REV3L: variants seen among roughly 807,000 people sequenced by gnomAD.
REV3L encodes the protein REV3 like, DNA directed polymerase zeta catalytic subunit.
Under a neutral mutation model 299.4 loss-of-function variants are expected in REV3L, and 69 were observed. That is an observed-to-expected ratio of 0.23 (90% CI 0.19 to 0.28). The LOEUF is 0.28. Among genes scored for constraint, REV3L ranks in the 10% least tolerant of loss-of-function variants. The probability of loss-of-function intolerance (pLI) is 1.00; values close to 1 mark genes in which losing one functional copy is unlikely to be tolerated. For synonymous variants in REV3L, 1,238 were observed against 1,271.4 expected, an observed-to-expected ratio of 0.97 and a Z score of 0.56; for missense variants, 3,128 against 3,693.8, an observed-to-expected ratio of 0.85 and a Z score of 3.97.
Position 111,380,150 on chromosome 6 carries a change from T to C in REV3L, c.1286A>G (p.Glu429Gly). The change falls in exon 11 of 32, where the codon GAA becomes GGA. Residue 429 changes from glutamate (E) to glycine (G), a missense_variant. Transcript: ENST00000368802. ...ACATGGTGATGGCATCCTATTTCTTTCCCCCCGATATCCATCACTTTCCAA... is the reference window on the plus strand; with the variant it reads ...ACATGGTGATGGCATCCTATTTCTTCCCCCCCGATATCCATCACTTTCCAA... ...AGLESDGYRGERNRMPSPCRS... is the reference protein window; with the variant it reads ...AGLESDGYRGGRNRMPSPCRS... 1 of 1,613,708 alleles carries C rather than the reference T, an allele frequency of 6.2e-7. No homozygotes were observed. Among genetic ancestry groups the C allele is most frequent in the Non-Finnish European group, 8.5e-7 (1 of 1,179,882 alleles).
At position 111,375,121 on chromosome 6, in the gene REV3L, T is replaced by C. The variant is rs1413158160; in HGVS notation, c.3234A>G (p.Lys1078=). 6.2e-7 allele frequency: 1 copy of C among 1,609,778 alleles called. No individual in the cohort carries two copies. The highest frequency in any genetic ancestry group is 8.5e-7 in the Non-Finnish European group (1 of 1,178,936). The change falls in exon 13 of 32, where the codon AAA becomes AAG. Residue 1078 remains lysine, a synonymous_variant. Coordinates refer to ENST00000368802, the MANE Select transcript of REV3L (RefSeq NM_001372078.1). ...GAGAAAGAATAGCATGTGACCGTTT[T>C]TTCCTGAAAGACAAAGTTCTTTTAA... ...ENIKRTLSFR[K]KRSHAILSPP... is the part of the protein sequence containing the mutation.
rs774474693 is a variant in REV3L at position 111,422,680 on chromosome 6, G to GTATA, written c.140-6212_140-6209dup. 4.2e-3 allele frequency among the ~76,000 whole-genome samples: 47 copies of GTATA among 11,214 alleles called. 3 individuals carry two copies. The highest frequency in any genetic ancestry group is 5.5e-3 in the African/African-American group (33 of 5,970). The allele number at this position is 11,214 out of a possible 152,430, so 7.4% of individuals were successfully genotyped here. A position where few individuals can be genotyped will look rare whatever the true frequency, so the allele number is the denominator to read the frequency against. On this transcript the variant is annotated intron_variant, in intron 1 of 31. Transcript: ENST00000368802. Reference sequence around the variant, plus strand: ...TATATATACATATATATATATATACGTATATATATATATATATATATTTCC... The same window carrying GTATA: ...TATATATACATATATATATATATACGTATATATATATATATATATATATATTTCC...
At chr6:111,438,491 A>G (rs979773003) in intron 1 of REV3L, among the ~76,000 whole-genome samples, 10 of 151,120 alleles carry the variant, frequency 6.6e-5, no homozygotes, top group Non-Finnish European at 1.5e-4. Context: ...TAAACCCTGA[A>G]TCATATTAAG....
intron 26 of REV3L, among the ~76,000 whole-genome samples, chr6:111,317,041 T>C (rs371199293): frequency 6.6e-6 from 1 of 152,356 alleles, no homozygotes; most frequent in East Asian, 1.9e-4. Context: ...TTAAGTAAGA[T>C]AGATTATAAA....
At chr6:111,392,696 T>G in intron 5 of REV3L, 180 bp downstream of exon 5, 1 of 469,736 alleles carries the variant, frequency 2.1e-6, no homozygotes, top group Non-Finnish European at 3.8e-6. Context: ...TTTTCATGGT[T>G]TGTTTTTAAA....
intron 21 of REV3L, among the ~76,000 whole-genome samples, chr6:111,336,300 C>G (rs1014269150): frequency 7.2e-5 from 11 of 151,790 alleles, no homozygotes; most frequent in Admixed American, 3.3e-4. Context: ...AAAAATGACC[C>G]AGAAGTATAC....
At chr6:111,458,120 T>C (rs1000973850) in intron 1 of REV3L, among the ~76,000 whole-genome samples, 2 of 152,150 alleles carry the variant, frequency 1.3e-5, no homozygotes, top group Non-Finnish European at 2.9e-5. Flanking sequence ...ATTCCTGGGA[T>C]GCAAGGTTGG....
At chr6:111,352,654 A>G (rs567906448) in intron 18 of REV3L, among the ~76,000 whole-genome samples, 1 of 152,318 alleles carries the variant, frequency 6.6e-6, no homozygotes, top group East Asian at 1.9e-4. Flanking sequence ...AGTAATGACA[A>G]GTTTGTCCTT....
chr6:111,404,219 C>T (rs1379679619), intron 4 of REV3L, among the ~76,000 whole-genome samples: 1 of 152,152 alleles, frequency 6.6e-6, no homozygotes, highest in Admixed American at 6.5e-5. Flanking sequence ...ATCTACTCTG[C>T]CTGTGTTCTA....
At chr6:111,426,167 AG>A (rs1786157556) in intron 1 of REV3L, among the ~76,000 whole-genome samples, 1 of 152,194 alleles carries the variant, frequency 6.6e-6, no homozygotes, top group Non-Finnish European at 1.5e-5. Context: ...CTTACCCTGT[AG>A]GGTATACATT....
chr6:111,483,683 C>A, upstream of REV3L: 1 of 388,758 alleles, frequency 2.6e-6, no homozygotes, highest in Non-Finnish European at 5.2e-6. Context: ...AATCCGCCCG[C>A]GTGAGGAGGG....
At chr6:111,389,544 T>C (rs1009184885) in intron 6 of REV3L, among the ~76,000 whole-genome samples, 1 of 152,092 alleles carries the variant, frequency 6.6e-6, no homozygotes, top group Non-Finnish European at 1.5e-5. Flanking sequence ...TTATTTAGTG[T>C]CACACTTATT....
chr6:111,480,428 T>A (rs1054546694), intron 1 of REV3L, among the ~76,000 whole-genome samples: 2 of 152,192 alleles, frequency 1.3e-5, no homozygotes, highest in East Asian at 3.8e-4. Flanking sequence ...ATTAATAATT[T>A]TCAAGTTTTA....
At chr6:111,386,108 G>A (rs1019908598) in intron 9 of REV3L, among the ~76,000 whole-genome samples, 1 of 152,130 alleles carries the variant, frequency 6.6e-6, no homozygotes, top group Non-Finnish European at 1.5e-5. Flanking sequence ...TGCTATCTAG[G>A]TAGAGTACAA....
chr6:111,427,578 G>A (rs192988429), intron 1 of REV3L, among the ~76,000 whole-genome samples: 3 of 152,230 alleles, frequency 2.0e-5, no homozygotes, highest in Admixed American at 6.5e-5. Flanking sequence ...AAAAAACTCT[G>A]AGCAAAAGAA....
chr6:111,304,766 C>T (rs1031315304), intron 31 of REV3L, among the ~76,000 whole-genome samples: 2 of 151,844 alleles, frequency 1.3e-5, no homozygotes, highest in African/African-American at 4.8e-5. Flanking sequence ...CTCTCCTCAC[C>T]CCCCTTTTGG....
At chr6:111,304,591 T>G (rs115422363) in intron 31 of REV3L, among the ~76,000 whole-genome samples, 355 of 152,234 alleles carry the variant, frequency 2.3e-3, no homozygotes, top group African/African-American at 8.3e-3. Flanking sequence ...ACCATCATTA[T>G]TTATAAATAG....
intron 25 of REV3L, among the ~76,000 whole-genome samples, chr6:111,329,190 C>A (rs966043839): frequency 2.0e-5 from 3 of 151,966 alleles, no homozygotes; most frequent in Non-Finnish European, 4.4e-5. Flanking sequence ...ATTACAGGTG[C>A]CCACCACCAC....
intron 9 of REV3L, among the ~76,000 whole-genome samples, chr6:111,386,250 T>C (rs774766207): frequency 1.4e-4 from 22 of 152,122 alleles, no homozygotes; most frequent in Non-Finnish European, 2.9e-4. Context: ...TGTAGAGAAA[T>C]AGCTAACATT....
Sources: gnomAD v4.1 joint callset for allele counts (sites outside exome capture counted in the v4.1 genomes callset) on GRCh38, gnomAD v4.1.1 for gene constraint, MANE v1.5 for transcripts, NCBI Gene and HGNC (gene_info 2026-07-23, HGNC 2026-07-21) for gene names.